The following OPCML variants were observed in gnomAD, a reference collection of about 807,000 sequenced individuals.
OPCML encodes opioid binding protein/cell adhesion molecule like.
OPCML carries 13 observed loss-of-function variants against 37.8 expected under a neutral mutation model. That is an observed-to-expected ratio of 0.34 (90% CI 0.22 to 0.55). The LOEUF (loss-of-function observed/expected upper bound fraction) is 0.55. OPCML is among the 20% of genes least tolerant of loss of function. OPCML has a pLI of 0.91. For missense variants in OPCML, 341 were observed against 435.6 expected, an observed-to-expected ratio of 0.78 and a Z score of 1.93; for synonymous variants, 176 against 168.8, an observed-to-expected ratio of 1.04 and a Z score of -0.33.
At chr11:133,238,862 T>C (rs902590506) in intron 1 of OPCML, among the ~76,000 whole-genome samples, 1 of 152,258 alleles carries the variant, frequency 6.6e-6, no homozygotes, top group Non-Finnish European at 1.5e-5. Flanking sequence ...TAGCCCACTG[T>C]ACTTCTGTGG....
At chr11:133,161,561 G>A (rs1164921743) in intron 1 of OPCML, among the ~76,000 whole-genome samples, 1 of 152,168 alleles carries the variant, frequency 6.6e-6, no homozygotes, top group Non-Finnish European at 1.5e-5. Flanking sequence ...CAGTTACAGA[G>A]GATCCCGAAG....
At chr11:132,638,332 G>A (rs894680092) in intron 3 of OPCML, among the ~76,000 whole-genome samples, 8 of 151,706 alleles carry the variant, frequency 5.3e-5, no homozygotes, top group Non-Finnish European at 7.4e-5. Context: ...AATCACTATA[G>A]CTGGTAACAG....
chr11:133,000,706 G>A (rs1268077798), intron 1 of OPCML, among the ~76,000 whole-genome samples: 1 of 152,120 alleles, frequency 6.6e-6, no homozygotes, highest in African/African-American at 2.4e-5. Context: ...ACCACAATTA[G>A]AGAAAAAAGA....
intron 2 of OPCML, among the ~76,000 whole-genome samples, chr11:132,778,044 GT>G (rs945789724): frequency 3.3e-5 from 5 of 152,160 alleles, no homozygotes; most frequent in African/African-American, 1.2e-4. Context: ...AGAGGTTTAT[GT>G]TCTCCTGGAA....
At chr11:133,309,893 G>A (rs374946955) in intron 1 of OPCML, among the ~76,000 whole-genome samples, 14 of 152,214 alleles carry the variant, frequency 9.2e-5, no homozygotes, top group African/African-American at 3.4e-4. Context: ...GGAATGCAAT[G>A]CTTGAAGGGC....
chr11:133,136,830 T>TGC (rs1949699756), intron 1 of OPCML, among the ~76,000 whole-genome samples: 1 of 19,176 alleles, frequency 5.2e-5, no homozygotes, highest in Non-Finnish European at 1.1e-4. Flanking sequence ...TATGTGCACG[T>TGC]GTGTGTGTGT....
At chr11:133,463,950 T>G (rs934385237) in intron 1 of OPCML, among the ~76,000 whole-genome samples, 1 of 151,148 alleles carries the variant, frequency 6.6e-6, no homozygotes, top group Admixed American at 6.6e-5. Flanking sequence ...ATTCAACATA[T>G]CTTTGTGTTC....
intron 2 of OPCML, among the ~76,000 whole-genome samples, chr11:132,760,791 T>C (rs555688098): frequency 1.6e-4 from 25 of 152,218 alleles, no homozygotes; most frequent in African/African-American, 6.0e-4. Context: ...GCATTTATCC[T>C]GTTTACATTT....
rs1347295894 is a variant in OPCML at position 132,694,269 on chromosome 11, G to A, written c.147-36950C>T. ...GCTGGAGTGCAGTGGCGCGATCTTGGCTCACTGCAATCTCCGCCTCCGGGG... is the reference window on the plus strand; with the variant it reads ...GCTGGAGTGCAGTGGCGCGATCTTGACTCACTGCAATCTCCGCCTCCGGGG... On this transcript the variant is annotated intron_variant, in intron 2 of 7. Coordinates refer to ENST00000524381, the MANE Select transcript of OPCML (RefSeq NM_001012393.5). Among the ~76,000 whole-genome samples the A allele has an allele frequency of 1.7e-4, 21 of 126,328 alleles. 1 individual carries two copies. The highest frequency in any genetic ancestry group is 3.1e-5 in the Non-Finnish European group (2 of 63,998). The allele number at this position is 126,328 out of a possible 152,430, so 82.9% of individuals were successfully genotyped here. A position where few individuals can be genotyped will look rare whatever the true frequency, so the allele number is the denominator to read the frequency against.
intron 1 of OPCML, chr11:133,360,273 C>G (rs1944383979): frequency 1.3e-5 from 2 of 152,220 alleles, no homozygotes; most frequent in East Asian, 3.9e-4. Context: ...CTCTTTTCTT[C>G]CTACTACATC....
intron 1 of OPCML, among the ~76,000 whole-genome samples, chr11:132,995,700 C>T (rs1269617908): frequency 6.6e-5 from 10 of 152,066 alleles, no homozygotes; most frequent in East Asian, 1.9e-4. Flanking sequence ...GTCAGCAGGA[C>T]GTGAGCCTCC....
At chr11:132,868,296 ATTTTTTT>A (rs67534174) in intron 2 of OPCML, among the ~76,000 whole-genome samples, 22 of 77,486 alleles carry the variant, frequency 2.8e-4, no homozygotes, top group Middle Eastern at 8.9e-3. Context: ...TGAGGCTGTG[ATTTTTTT>A]TTTTTTTTTT....
intron 2 of OPCML, among the ~76,000 whole-genome samples, chr11:132,922,832 G>T (rs1449086495): frequency 2.0e-5 from 3 of 152,062 alleles, no homozygotes; most frequent in African/African-American, 7.2e-5. Flanking sequence ...CAGCACTTCG[G>T]GAGGCTGAGG....
chr11:132,846,073 G>T (rs760518652), intron 2 of OPCML, among the ~76,000 whole-genome samples: 3 of 152,140 alleles, frequency 2.0e-5, no homozygotes, highest in East Asian at 3.8e-4. Flanking sequence ...AAAGAAAAGG[G>T]CAGGACACAT....
At chr11:133,045,189 C>T (rs1235873365) in intron 1 of OPCML, among the ~76,000 whole-genome samples, 1 of 152,164 alleles carries the variant, frequency 6.6e-6, no homozygotes, top group African/African-American at 2.4e-5. Context: ...CTCCAGCAAC[C>T]TTGGGGTGCA....
chr11:132,563,486 C>T (rs1294125758), intron 3 of OPCML, among the ~76,000 whole-genome samples: 1 of 151,668 alleles, frequency 6.6e-6, no homozygotes, highest in African/African-American at 2.4e-5. Flanking sequence ...TGGGAATGGG[C>T]TTTTGGACGG....
chr11:133,408,717 G>A (rs1263147683), intron 1 of OPCML, among the ~76,000 whole-genome samples: 2 of 152,052 alleles, frequency 1.3e-5, no homozygotes, highest in Non-Finnish European at 2.9e-5. Flanking sequence ...GGATGTGGGA[G>A]GAAACCAAAA....
At chr11:133,204,352 A>G (rs548601287) in intron 1 of OPCML, among the ~76,000 whole-genome samples, 1 of 152,212 alleles carries the variant, frequency 6.6e-6, no homozygotes, top group South Asian at 2.1e-4. Flanking sequence ...TCTTAAACCT[A>G]CCCTTATTCT....
chr11:133,500,289 G>A (rs563068339), intron 1 of OPCML, among the ~76,000 whole-genome samples: 3 of 152,256 alleles, frequency 2.0e-5, no homozygotes, highest in Non-Finnish European at 2.9e-5. Context: ...ACCAGGAGCC[G>A]GACCTACCTC....
Sources: allele counts gnomAD v4.1 joint callset (sites outside exome capture counted in the v4.1 genomes callset), GRCh38; gene constraint gnomAD v4.1.1; transcripts MANE v1.5; gene names NCBI Gene and HGNC (gene_info 2026-07-23, HGNC 2026-07-21).